SPOCK3: variants seen among roughly 807,000 people sequenced by gnomAD.
SPOCK3 encodes the protein SPARC (osteonectin), cwcv and kazal like domains proteoglycan 3.
Under a neutral mutation model 56.6 loss-of-function variants are expected in SPOCK3, and 30 were observed. The ratio of observed to expected loss-of-function variants is 0.53; its 90% CI spans 0.40 to 0.72. SPOCK3 has a LOEUF of 0.72. SPOCK3 is among the 30% of genes least tolerant of loss of function. SPOCK3 has a pLI of 0.00. For synonymous variants in SPOCK3, 196 were observed against 183.3 expected (o/e 1.07, Z -0.56); for missense variants, 527 against 530.0 (o/e 0.99, Z 0.06).
intron 4 of SPOCK3, among the ~76,000 whole-genome samples, chr4:166,996,985 TC>T (rs1294508855): frequency 2.6e-5 from 4 of 152,258 alleles, no homozygotes; most frequent in African/African-American, 7.2e-5. Flanking sequence ...TAAATATCCT[TC>T]TTGAACAAGA....
At chr4:167,065,497 T>C (rs1287245064) in intron 2 of SPOCK3, among the ~76,000 whole-genome samples, 1 of 151,852 alleles carries the variant, frequency 6.6e-6, no homozygotes, top group Non-Finnish European at 1.5e-5. Context: ...AAATCTATAA[T>C]CACAATTGTA....
chr4:166,903,994 A>G (rs1374897424), intron 5 of SPOCK3, among the ~76,000 whole-genome samples: 1 of 151,960 alleles, frequency 6.6e-6, no homozygotes, highest in Middle Eastern at 3.2e-3. Context: ...TTTTTTCTTT[A>G]TCTAGAAAAA....
chr4:166,765,143 T>C (rs1737825718), intron 7 of SPOCK3, among the ~76,000 whole-genome samples: 1 of 152,238 alleles, frequency 6.6e-6, no homozygotes, highest in Non-Finnish European at 1.5e-5. Context: ...GTAGGTTGCC[T>C]GTTCACTCTG....
chr4:166,884,955 G>A lies in SPOCK3; in HGVS notation c.589+4175C>T, dbSNP rs144101655. ...CAGAGTTATATGAATAAGGCAAAACGAGAAATATGATGTTACATGATTCTC... is the reference window on the plus strand; with the variant it reads ...CAGAGTTATATGAATAAGGCAAAACAAGAAATATGATGTTACATGATTCTC... On this transcript the variant is annotated intron_variant, in intron 6 of 10. Coordinates refer to ENST00000357545, the MANE Select transcript of SPOCK3 (RefSeq NM_001040159.2). Among the ~76,000 whole-genome samples, 65 of 151,772 alleles carry A rather than the reference G, an allele frequency of 4.3e-4. 2 individuals are homozygous for A. The East Asian group carries it at 5.8e-3, about 14-fold the overall frequency.
At chr4:166,771,229 G>GGT (rs1738893247) in intron 7 of SPOCK3, among the ~76,000 whole-genome samples, 1 of 151,060 alleles carries the variant, frequency 6.6e-6, no homozygotes, top group Non-Finnish European at 1.5e-5. Context: ...ATATTTGAAG[G>GGT]GTATATATAT....
chr4:167,216,367 A>G (rs1330976875), intron 2 of SPOCK3, among the ~76,000 whole-genome samples: 1 of 151,792 alleles, frequency 6.6e-6, no homozygotes. Flanking sequence ...GATCAGAACT[A>G]TGATTTGGGA....
intron 4 of SPOCK3, among the ~76,000 whole-genome samples, chr4:166,963,275 A>G (rs1340233876): frequency 6.6e-6 from 1 of 151,990 alleles, no homozygotes; most frequent in Non-Finnish European, 1.5e-5. Flanking sequence ...GTAGCAAAAA[A>G]TCCATGTGAT....
intron 3 of SPOCK3, among the ~76,000 whole-genome samples, chr4:167,029,367 G>C (rs1752040269): frequency 6.6e-6 from 1 of 151,924 alleles, no homozygotes; most frequent in Admixed American, 6.6e-5. Flanking sequence ...ACCAATTTCT[G>C]ATAATCTTAC....
intron 3 of SPOCK3, among the ~76,000 whole-genome samples, chr4:167,061,003 T>C (rs1415216415): frequency 6.6e-6 from 1 of 152,132 alleles, no homozygotes; most frequent in Admixed American, 6.6e-5. Flanking sequence ...TATCCCTGTC[T>C]GATAAACATA....
intron 4 of SPOCK3, among the ~76,000 whole-genome samples, chr4:166,950,116 C>T (rs28840213): frequency 0.011 from 1,652 of 151,274 alleles, 45 homozygotes; most frequent in African/African-American, 0.039. Context: ...GGACTAAATG[C>T]TCCAATTAAA....
At chr4:166,835,521 C>G (rs1340007800) in intron 6 of SPOCK3, among the ~76,000 whole-genome samples, 2 of 152,006 alleles carry the variant, frequency 1.3e-5, no homozygotes, top group Admixed American at 6.6e-5. Context: ...TTTCATACAT[C>G]TGTATGAAAC....
intron 2 of SPOCK3, among the ~76,000 whole-genome samples, chr4:167,232,755 T>C (rs1430941793): frequency 6.6e-6 from 1 of 152,196 alleles, no homozygotes; most frequent in Non-Finnish European, 1.5e-5. Flanking sequence ...ATATTCTCAA[T>C]CAAATGGCTA....
chr4:166,787,436 G>A (rs1444210542), intron 7 of SPOCK3, among the ~76,000 whole-genome samples: 1 of 152,108 alleles, frequency 6.6e-6, no homozygotes, highest in Non-Finnish European at 1.5e-5. Context: ...AGAGATTGCT[G>A]TTAGAAGAAA....
At chr4:167,017,927 T>G (rs1163300711) in intron 3 of SPOCK3, among the ~76,000 whole-genome samples, 1 of 152,112 alleles carries the variant, frequency 6.6e-6, no homozygotes, top group African/African-American at 2.4e-5. Flanking sequence ...TTTATTCAAT[T>G]GTTATCTAAT....
At chr4:166,769,922 C>T (rs4860016) in intron 7 of SPOCK3, among the ~76,000 whole-genome samples, 49,701 of 152,068 alleles carry the variant, frequency 0.33, 8,336 homozygotes, top group Admixed American at 0.42. Flanking sequence ...TGCTGTCTTG[C>T]AGTTCGATGT....
chr4:166,771,713 G>A (rs535657944), intron 7 of SPOCK3, among the ~76,000 whole-genome samples: 30 of 152,004 alleles, frequency 2.0e-4, no homozygotes, highest in African/African-American at 7.2e-4. Context: ...TATGAATTGT[G>A]GAATAAGCTT....
At chr4:167,224,262 T>G (rs993977926) in intron 2 of SPOCK3, among the ~76,000 whole-genome samples, 28 of 152,104 alleles carry the variant, frequency 1.8e-4, no homozygotes, top group Non-Finnish European at 8.8e-5. Context: ...ATTACCATAG[T>G]TAGCTGGAAT....
At chr4:166,868,809 G>A (rs559229920) in intron 6 of SPOCK3, among the ~76,000 whole-genome samples, 11 of 152,016 alleles carry the variant, frequency 7.2e-5, no homozygotes, top group Non-Finnish European at 1.5e-4. Flanking sequence ...CTTGGAATCA[G>A]GGCCTATTTA....
chr4:166,982,765 A>G (rs1405665049), intron 4 of SPOCK3, among the ~76,000 whole-genome samples: 4 of 152,220 alleles, frequency 2.6e-5, no homozygotes, highest in African/African-American at 9.6e-5. Context: ...AAATGAGTAG[A>G]AACATAACAT....
Sources: allele counts gnomAD v4.1 joint callset (sites outside exome capture counted in the v4.1 genomes callset), GRCh38; gene constraint gnomAD v4.1.1; transcripts MANE v1.5; gene names NCBI Gene and HGNC (gene_info 2026-07-23, HGNC 2026-07-21).